FHIT: variants seen among roughly 807,000 people sequenced by gnomAD.
FHIT encodes the protein fragile histidine triad diadenosine triphosphatase, also known as bis(5'-adenosyl)-triphosphatase.
In FHIT, 19 loss-of-function variants were observed where a neutral mutation model predicts 17.9. The ratio of observed to expected loss-of-function variants is 1.06; its 90% CI spans 0.74 to 1.56. The LOEUF (loss-of-function observed/expected upper bound fraction) is 1.56, where lower values mean the gene tolerates loss of function less well. Among genes scored for constraint, FHIT ranks in the 40% most tolerant of loss-of-function variants. The pLI, the probability that FHIT is intolerant of heterozygous loss-of-function variation, is 0.00. For missense variants in FHIT, 248 were observed against 189.2 expected, an observed-to-expected ratio of 1.31 and a Z score of -1.82; for synonymous variants, 81 against 69.7, an observed-to-expected ratio of 1.16 and a Z score of -0.81.
At chr3:60,209,878 G>C (rs1251804374) in intron 5 of FHIT, among the ~76,000 whole-genome samples, 2 of 152,026 alleles carry the variant, frequency 1.3e-5, no homozygotes, top group Non-Finnish European at 2.9e-5. Context: ...AGGGGGAGTT[G>C]AACAATGAGA....
chr3:60,625,789 T>G (rs1476350761), intron 4 of FHIT, among the ~76,000 whole-genome samples: 4 of 152,228 alleles, frequency 2.6e-5, no homozygotes, highest in African/African-American at 7.2e-5. Flanking sequence ...CCATATGTTG[T>G]TAAGACATCA....
intron 5 of FHIT, among the ~76,000 whole-genome samples, chr3:60,399,686 T>G (rs1701586607): frequency 6.6e-6 from 1 of 152,112 alleles, no homozygotes; most frequent in Non-Finnish European, 1.5e-5. Context: ...GTAATTTACT[T>G]CCCTCTAGAC....
At chr3:60,878,851 G>C (rs1383476129) in intron 3 of FHIT, among the ~76,000 whole-genome samples, 4 of 152,102 alleles carry the variant, frequency 2.6e-5, no homozygotes, top group Non-Finnish European at 2.9e-5. Flanking sequence ...AGTATTCCAT[G>C]GTGTATATGT....
chr3:60,778,896 AG>A (rs1164569195), intron 4 of FHIT, among the ~76,000 whole-genome samples: 17 of 152,282 alleles, frequency 1.1e-4, no homozygotes, highest in African/African-American at 4.1e-4. Context: ...GTCCCTGTAC[AG>A]GGTTCCTGAC....
At chr3:60,994,183 T>G (rs2030485544) in intron 3 of FHIT, among the ~76,000 whole-genome samples, 1 of 152,218 alleles carries the variant, frequency 6.6e-6, no homozygotes, top group Non-Finnish European at 1.5e-5. Flanking sequence ...TATTAAACAT[T>G]TTTTTAAGTT....
chr3:60,308,663 T>A (rs1456429627), intron 5 of FHIT, among the ~76,000 whole-genome samples: 1 of 152,058 alleles, frequency 6.6e-6, no homozygotes, highest in Non-Finnish European at 1.5e-5. Context: ...CTGCCAACTG[T>A]CTGAACACAA....
chr3:60,628,197 T>A (rs2039344944), intron 4 of FHIT, among the ~76,000 whole-genome samples: 1 of 152,218 alleles, frequency 6.6e-6, no homozygotes, highest in African/African-American at 2.4e-5. Flanking sequence ...TGTGATTTTT[T>A]AAATTGACTC....
At chr3:61,051,040 C>G (rs2034006406) in intron 2 of FHIT, among the ~76,000 whole-genome samples, 2 of 152,182 alleles carry the variant, frequency 1.3e-5, no homozygotes, top group South Asian at 4.1e-4. Flanking sequence ...GTTGTCCCAA[C>G]TGCTACCTAT....
At chr3:60,894,633 G>C (rs1399428978) in intron 3 of FHIT, among the ~76,000 whole-genome samples, 2 of 151,536 alleles carry the variant, frequency 1.3e-5, no homozygotes, top group African/African-American at 4.9e-5. Flanking sequence ...AAAGCTCTGG[G>C]GCTCGGCAAA....
At chr3:60,955,507 C>A (rs1197366490) in intron 3 of FHIT, among the ~76,000 whole-genome samples, 1 of 151,462 alleles carries the variant, frequency 6.6e-6, no homozygotes, top group Non-Finnish European at 1.5e-5. Context: ...GAAGCACTGA[C>A]ATACAATAAT....
At chr3:60,195,379 C>T (rs145451893) in intron 5 of FHIT, among the ~76,000 whole-genome samples, 30 of 151,632 alleles carry the variant, frequency 2.0e-4, no homozygotes, top group African/African-American at 6.5e-4. Context: ...AGTTGACCTA[C>T]CATTCTATCT....
intron 5 of FHIT, among the ~76,000 whole-genome samples, chr3:60,023,731 G>A (rs894098446): frequency 2.0e-5 from 3 of 152,136 alleles, no homozygotes; most frequent in African/African-American, 7.2e-5. Context: ...TAGAAGAGAG[G>A]AAATACTCCT....
intron 5 of FHIT, among the ~76,000 whole-genome samples, chr3:60,018,343 C>T (rs1038811929): frequency 6.6e-5 from 10 of 152,108 alleles, no homozygotes; most frequent in South Asian, 2.1e-4. Context: ...TAGACCCTAC[C>T]GCCAACATCA....
At chr3:60,022,632 C>G (rs553859811) in intron 5 of FHIT, among the ~76,000 whole-genome samples, 2 of 152,144 alleles carry the variant, frequency 1.3e-5, no homozygotes, top group Non-Finnish European at 2.9e-5. Flanking sequence ...GGTTTTACCT[C>G]TTTTGCTAAC....
At chr3:60,194,642 A>G (rs918709468) in intron 5 of FHIT, among the ~76,000 whole-genome samples, 10 of 152,210 alleles carry the variant, frequency 6.6e-5, no homozygotes, top group African/African-American at 2.2e-4. Context: ...CATCACAGTA[A>G]AAAGCCCACA....
chr3:60,903,044 C>T (rs1038637241), intron 3 of FHIT, among the ~76,000 whole-genome samples: 1 of 152,070 alleles, frequency 6.6e-6, no homozygotes, highest in Non-Finnish European at 1.5e-5. Flanking sequence ...TCCTCATTTC[C>T]AAAATGCAGA....
intron 5 of FHIT, among the ~76,000 whole-genome samples, chr3:60,135,837 T>G (rs1326313952): frequency 6.6e-6 from 1 of 152,108 alleles, no homozygotes; most frequent in Non-Finnish European, 1.5e-5. Context: ...TGGGGCAAAA[T>G]GGATTCTTAA....
chr3:60,464,210 AT>A (rs2032652256), intron 5 of FHIT, among the ~76,000 whole-genome samples: 1 of 152,070 alleles, frequency 6.6e-6, no homozygotes, highest in Non-Finnish European at 1.5e-5. Context: ...CCCTGCATTC[AT>A]TTTTTTAAAA....
At chr3:60,134,574 C>T (rs1425093882) in intron 5 of FHIT, among the ~76,000 whole-genome samples, 2 of 152,270 alleles carry the variant, frequency 1.3e-5, no homozygotes, top group Middle Eastern at 3.4e-3. Context: ...CACACATGCT[C>T]ATATACATAT....
Sources: gnomAD v4.1 joint callset for allele counts (sites outside exome capture counted in the v4.1 genomes callset) on GRCh38, gnomAD v4.1.1 for gene constraint, MANE v1.5 for transcripts, NCBI Gene and HGNC (gene_info 2026-07-23, HGNC 2026-07-21) for gene names.